The following WDR91 variants were observed in gnomAD, a reference collection of about 807,000 sequenced individuals.
WDR91 encodes WD repeat-containing protein 91.
A neutral mutation model predicts 88.4 loss-of-function variants in WDR91; 52 were observed. The observed-to-expected ratio is 0.59, with a 90% CI of 0.47 to 0.74. WDR91 has a LOEUF of 0.74. Among genes scored for constraint, WDR91 ranks in the 30% least tolerant of loss-of-function variants. The pLI, the probability that WDR91 is intolerant of heterozygous loss-of-function variation, is 0.00. For missense variants in WDR91, 824 were observed against 954.5 expected (o/e 0.86, Z 1.80); for synonymous variants, 362 against 389.5 (o/e 0.93, Z 0.83).
At chr7:135,202,770 G>C (rs779147828) in intron 6 of WDR91, among the ~76,000 whole-genome samples, 3 of 152,218 alleles carry the variant, frequency 2.0e-5, no homozygotes, top group Non-Finnish European at 4.4e-5. Context: ...AAAGCAAGCA[G>C]TACAACTTAC....
intron 12 of WDR91, among the ~76,000 whole-genome samples, chr7:135,189,016 A>C (rs983089818): frequency 1.3e-5 from 2 of 152,208 alleles, no homozygotes. Context: ...TTTGAGAATC[A>C]ACTACCCACA....
chr7:135,204,527 G>A, intron 5 of WDR91, 94 bp from the exon 6 acceptor site: 1 of 1,401,624 alleles, frequency 7.1e-7, no homozygotes, highest in South Asian at 1.4e-5. Flanking sequence ...GACGTTAAGT[G>A]ACCAGGCCTG....
Position 135,196,446 on chromosome 7 carries a change from T to A in WDR91, c.1051-109A>T. The stretch of plus-strand genomic sequence containing the variant: ...CTGCAGCATTTTGCGGGGTTCTCGG[T>A]AATTACAGAGTGGAGAGGAGAGCTC... On this transcript the variant is annotated intron_variant, in intron 7 of 14. Transcript: ENST00000354475. This position sits in a 1 kb window ranked among gnomAD's most constrained non-coding sequence, Gnocchi z 4.2. The A allele has an allele frequency of 9.1e-7, 1 of 1,102,222 alleles. No individual in the cohort carries two copies. Among genetic ancestry groups the A allele is most frequent in the Non-Finnish European group, 1.2e-6 (1 of 806,490 alleles). 68.3% of individuals were successfully genotyped at this position (1,102,222 alleles called of 1,614,324 possible).
chr7:135,195,129 C>A, intron 8 of WDR91, 45 bp from the exon 9 acceptor site: 1 of 1,586,706 alleles, frequency 6.3e-7, no homozygotes. Context: ...CCTCTCAGTC[C>A]CCATCCTCTT....
At position 135,206,072 on chromosome 7, in the gene WDR91, G is replaced by A. The variant is rs762502550; in HGVS notation, c.595-14C>T. ...CAATGCAAAAAGCTATACAGGGGTG[G>A]GACTGAGTTAGCCAATGATCTCACC... On this transcript the variant is annotated splice_polypyrimidine_tract_variant and intron_variant, in intron 4 of 14. Coordinates refer to ENST00000354475, the MANE Select transcript of WDR91 (RefSeq NM_014149.4). 6.2e-6 allele frequency: 10 copies of A among 1,614,076 alleles called. No homozygotes were observed. Among genetic ancestry groups the A allele is most frequent in the Middle Eastern group, 1.7e-4 (1 of 6,052 alleles).
chr7:135,211,341 G>C (rs766594820), intron 1 of WDR91, 39 bp downstream of exon 1: 3 of 1,585,930 alleles, frequency 1.9e-6, no homozygotes, highest in Admixed American at 1.7e-5. Flanking sequence ...CGGCTCCCTC[G>C]GGCCGCCTCT....
In WDR91 at chr7:135,200,746, C is replaced by T. The variant is rs189593536; in HGVS notation, c.892-2595G>A. On this transcript the variant is annotated intron_variant, in intron 6 of 14. Coordinates refer to ENST00000354475, the MANE Select transcript of WDR91 (RefSeq NM_014149.4). ...TGACTGCTACAGTTCAGGAGAGACA[C>T]GGTAACCTCTGTCTTATCATTTGAC... Among the ~76,000 whole-genome samples, 145 of 152,326 alleles carry T rather than the reference C, an allele frequency of 9.5e-4. 2 individuals are homozygous for T. The East Asian group carries it at 0.011, about 12-fold the overall frequency.
intron 4 of WDR91, among the ~76,000 whole-genome samples, chr7:135,206,761 A>G (rs1274932716): frequency 6.6e-5 from 10 of 151,344 alleles, no homozygotes; most frequent in African/African-American, 2.4e-4. Context: ...TTACATATAT[A>G]TGTGTATATA....
At chr7:135,197,854 T>C in intron 7 of WDR91, 139 bp downstream of exon 7, 5 of 1,084,086 alleles carry the variant, frequency 4.6e-6, no homozygotes, top group Non-Finnish European at 6.5e-6. Flanking sequence ...ATAACCAAAA[T>C]ACAAGCCATT....
At chr7:135,194,244 G>C (rs1319726948) in intron 9 of WDR91, among the ~76,000 whole-genome samples, 1 of 152,230 alleles carries the variant, frequency 6.6e-6, no homozygotes, top group Non-Finnish European at 1.5e-5. Flanking sequence ...AGCAGCCCAG[G>C]TCTGAGGGTG....
intron 9 of WDR91, among the ~76,000 whole-genome samples, chr7:135,194,436 A>G (rs1188549235): frequency 1.3e-5 from 2 of 152,220 alleles, no homozygotes; most frequent in Non-Finnish European, 2.9e-5. Flanking sequence ...AGTAAAAGAA[A>G]AAACAGCAAG....
intron 12 of WDR91, 60 bp from the exon 13 acceptor site, chr7:135,188,605 C>G (rs1456966756): frequency 5.6e-6 from 8 of 1,422,872 alleles, no homozygotes; most frequent in Non-Finnish European, 7.9e-6. Context: ...AGGAATCTGC[C>G]TGCAGCAGGA....
Position 135,189,434 on chromosome 7 carries a change from G to C in WDR91, c.1678C>G (p.Pro560Ala). ...GTACAGTTGATAGCAATGGGTTCTG[G>C]ATCCAGGGAGAACTGGAGCTATTGA... ...MKQQLQFSLDPEPIAINCTAF... is the reference protein window; with the variant it reads ...MKQQLQFSLDAEPIAINCTAF... The change falls in exon 12 of 15, where the codon CCA becomes GCA. Residue 560 changes from proline (P) to alanine (A), a missense_variant. Pro to Ala is a conservative substitution (Grantham distance 27). Transcript: ENST00000354475. 1 of 1,613,914 alleles carries C rather than the reference G, an allele frequency of 6.2e-7. No homozygotes were observed. Among genetic ancestry groups the C allele is most frequent in the South Asian group, 1.1e-5 (1 of 91,068 alleles).
rs759802676 is a variant in WDR91 at position 135,211,437 on chromosome 7, C to T, written c.66G>A (p.Thr22=). 3 of 1,612,406 alleles carry T rather than the reference C, an allele frequency of 1.9e-6. No individual in the cohort carries two copies. Among genetic ancestry groups the T allele is most frequent in the Admixed American group, 1.7e-5 (1 of 59,976 alleles). ...VREYLLFRGF[T]HTLRQLDAEI... ...CGGCGTCCAGCTGCCGCAGTGTGTG[C>T]GTGAACCCGCGGAAGAGCAGGTACT... The change falls in exon 1 of 15, where the codon ACG becomes ACA. Residue 22 remains threonine, a synonymous_variant. Coordinates refer to ENST00000354475, the MANE Select transcript of WDR91 (RefSeq NM_014149.4).
Position 135,208,980 on chromosome 7 carries a change from C to G in WDR91, c.322G>C (p.Ala108Pro). The G allele has an allele frequency of 6.2e-7, 1 of 1,613,844 alleles. No homozygotes were observed. The highest frequency in any genetic ancestry group is 1.3e-5 in the African/African-American group (1 of 75,018). The change falls in exon 3 of 15, where the codon GCT becomes CCT. Residue 108 changes from alanine (A) to proline (P), a missense_variant. Coordinates refer to ENST00000354475, the MANE Select transcript of WDR91 (RefSeq NM_014149.4). ...YTIQTNRNDK[A>P]QEFFAKQATE... ...GCCTGCTTTGCAAAGAACTCCTGAG[C>G]CTTGTCATTTCTGTTTGTCTGCCAA...
chr7:135,195,701 C>T (rs185099151), intron 8 of WDR91, among the ~76,000 whole-genome samples: 2 of 152,320 alleles, frequency 1.3e-5, no homozygotes, highest in Non-Finnish European at 2.9e-5. Flanking sequence ...AATCCCAGCA[C>T]TGTGGGAGGC....
At chr7:135,192,668 G>T (rs773978976) in intron 11 of WDR91, among the ~76,000 whole-genome samples, 23 of 152,196 alleles carry the variant, frequency 1.5e-4, no homozygotes, top group Non-Finnish European at 1.9e-4. Context: ...GAAACAATGT[G>T]TTCAACATAA....
At chr7:135,209,067 T>C (rs1831919271) in intron 2 of WDR91, 69 bp from the exon 3 acceptor site, 1 of 1,391,168 alleles carries the variant, frequency 7.2e-7, no homozygotes, top group Non-Finnish European at 1.0e-6. Flanking sequence ...CTCTTCATCA[T>C]TGCACAGCAG....
At position 135,185,744 on chromosome 7, in the gene WDR91, G is replaced by A. The variant is rs1365588967; in HGVS notation, c.*407C>T. On this transcript the variant is annotated 3_prime_UTR_variant, in exon 15 of 15. Coordinates refer to ENST00000354475, the MANE Select transcript of WDR91 (RefSeq NM_014149.4). ...GGGAGGGCTGTCACTGAAGCAAAGT[G>A]ACACACATCCTAGAAAGAGACATCA... 1 of 155,766 alleles carries A rather than the reference G, an allele frequency of 6.4e-6. No homozygotes were observed. Among genetic ancestry groups the A allele is most frequent in the Non-Finnish European group, 1.4e-5 (1 of 70,538 alleles). 9.6% of individuals were successfully genotyped at this position (155,766 alleles called of 1,614,324 possible).
Sources: gnomAD v4.1 joint callset for allele counts (sites outside exome capture counted in the v4.1 genomes callset) on GRCh38, gnomAD v4.1.1 for gene constraint, Gnocchi (gnomAD v3.1) non-coding constraint, MANE v1.5 for transcripts, NCBI Gene and HGNC (gene_info 2026-07-23, HGNC 2026-07-21) for gene names.